Variants in PTGER4 observed in about 807,000 individuals in gnomAD.
PTGER4 encodes prostaglandin E receptor 4.
In PTGER4, 11 loss-of-function variants were observed where a neutral mutation model predicts 33.2. That is an observed-to-expected ratio of 0.33 (90% CI 0.21 to 0.55). The LOEUF is 0.55. PTGER4 is among the 20% of genes least tolerant of loss of function. The probability of loss-of-function intolerance (pLI) is 0.92; values close to 1 mark genes in which losing one functional copy is unlikely to be tolerated. For synonymous variants in PTGER4, 275 were observed against 281.5 expected, an observed-to-expected ratio of 0.98 and a Z score of 0.23; for missense variants, 481 against 650.2, an observed-to-expected ratio of 0.74 and a Z score of 2.83.
chr5:40,720,890 C>G, the PTGER4 span, among the ~76,000 whole-genome samples: 2 of 152,210 alleles, frequency 1.3e-5, no homozygotes, highest in Non-Finnish European at 2.9e-5. Context: ...TCCAATGCCC[C>G]AACTTCTACG....
chr5:40,718,310 G>T, the PTGER4 span, among the ~76,000 whole-genome samples: 162 of 152,290 alleles, frequency 1.1e-3, 1 homozygote, highest in East Asian at 0.026. Context: ...GGAGGCTGAG[G>T]CAGGAAAATT....
At chr5:40,716,566 G>T in the PTGER4 span, 1 of 1,019,406 alleles carries the variant, frequency 9.8e-7, no homozygotes, top group Non-Finnish European at 1.5e-6. Context: ...AATCCTGTGT[G>T]TTTACGTACA....
the PTGER4 span, among the ~76,000 whole-genome samples, chr5:40,704,970 A>T: frequency 7.2e-5 from 11 of 152,160 alleles, no homozygotes; most frequent in South Asian, 4.1e-4. Flanking sequence ...ACTAGAAAAA[A>T]ATTTTTTTTA....
the PTGER4 span, among the ~76,000 whole-genome samples, chr5:40,731,990 C>CAAAGT: frequency 6.6e-6 from 1 of 152,154 alleles, no homozygotes; most frequent in Non-Finnish European, 1.5e-5. Context: ...ACTTACTACT[C>CAAAGT]AAAGTAAGTG....
At chr5:40,704,589 G>C in the PTGER4 span, among the ~76,000 whole-genome samples, 54 of 152,162 alleles carry the variant, frequency 3.5e-4, no homozygotes, top group Non-Finnish European at 6.3e-4. Context: ...CATAGTCTCA[G>C]ACCAAACACT....
the PTGER4 span, among the ~76,000 whole-genome samples, chr5:40,726,204 C>G: frequency 7.2e-6 from 1 of 138,108 alleles, no homozygotes; most frequent in African/African-American, 2.9e-5. Context: ...ATACCATATA[C>G]ATACATATTT....
downstream of PTGER4, among the ~76,000 whole-genome samples, chr5:40,697,339 AC>A (rs1198880742): frequency 2.6e-5 from 4 of 151,978 alleles, no homozygotes; most frequent in Non-Finnish European, 5.9e-5. Flanking sequence ...TAATCCCAGC[AC>A]TTTGGAAGGC....
downstream of PTGER4, among the ~76,000 whole-genome samples, chr5:40,697,266 G>GAAAGAA (rs1554024618): frequency 5.6e-4 from 61 of 108,270 alleles, no homozygotes; most frequent in African/African-American, 1.5e-3. Flanking sequence ...AAGAAAGAAA[G>GAAAGAA]AAAGAAAGAA....
the PTGER4 span, among the ~76,000 whole-genome samples, chr5:40,704,892 A>C: frequency 6.6e-6 from 1 of 152,204 alleles, no homozygotes; most frequent in African/African-American, 2.4e-5. Flanking sequence ...TAAAATGGCT[A>C]TACTACCCAA....
At chr5:40,717,764 T>A in the PTGER4 span, among the ~76,000 whole-genome samples, 1 of 152,174 alleles carries the variant, frequency 6.6e-6, no homozygotes, top group Non-Finnish European at 1.5e-5. Flanking sequence ...CAGATTAGTT[T>A]TAAGATTGCA....
At chr5:40,684,423 T>G (rs1267721687) in intron 2 of PTGER4, among the ~76,000 whole-genome samples, 2 of 152,130 alleles carry the variant, frequency 1.3e-5, no homozygotes, top group Non-Finnish European at 2.9e-5. Context: ...AAATGTAGTT[T>G]ACTTGGAATT....
chr5:40,742,136 G>C, the PTGER4 span, among the ~76,000 whole-genome samples: 1 of 151,612 alleles, frequency 6.6e-6, no homozygotes, highest in Non-Finnish European at 1.5e-5. Flanking sequence ...TTTTCTAGTT[G>C]TTTGGGGCCA....
chr5:40,701,532 T>C, the PTGER4 span, among the ~76,000 whole-genome samples: 7 of 152,188 alleles, frequency 4.6e-5, no homozygotes, highest in Admixed American at 2.0e-4. Flanking sequence ...TAGGGGATTA[T>C]GCAAAGGGGC....
In PTGER4 at chr5:40,692,894, T is replaced by TA; in HGVS notation, c.*520dup. On this transcript the variant is annotated 3_prime_UTR_variant, in exon 3 of 3. Coordinates refer to ENST00000302472, the MANE Select transcript of PTGER4 (RefSeq NM_000958.3). ...GGTTTATTGTTAATACAAGGTATAA[T>TA]AAAATTATCGCAACCCCTCTCCTTC... is the stretch of plus-strand genomic sequence containing the variant. The TA allele has an allele frequency of 2.0e-6, 2 of 982,902 alleles. No individual in the cohort carries two copies. The highest frequency in any genetic ancestry group is 2.4e-6 in the Non-Finnish European group (2 of 827,150). The allele number at this position is 982,902 out of a possible 1,614,324, so 60.9% of individuals were successfully genotyped here. A position where few individuals can be genotyped will look rare whatever the true frequency, so the allele number is the denominator to read the frequency against.
At chr5:40,716,266 T>C in the PTGER4 span, 1 of 1,614,242 alleles carries the variant, frequency 6.2e-7, no homozygotes, top group Non-Finnish European at 8.5e-7. Flanking sequence ...TGAAACTGTC[T>C]TCTCTTTCTC....
rs375512621 is a variant in PTGER4 at position 40,691,844 on chromosome 5, T to C, written c.933T>C (p.Asp311=). 2.0e-5 allele frequency: 32 copies of C among 1,614,066 alleles called. No individual in the cohort carries two copies. Among genetic ancestry groups the C allele is most frequent in the Non-Finnish European group, 2.5e-5 (29 of 1,180,028 alleles). The change falls in exon 3 of 3, where the codon GAT becomes GAC. Residue 311 remains aspartate, a synonymous_variant. Coordinates refer to ENST00000302472, the MANE Select transcript of PTGER4 (RefSeq NM_000958.3). This position sits in a 1 kb window ranked among gnomAD's most constrained non-coding sequence, Gnocchi z 4.2. ...SLEREVSKNP[D]LQAIRIASVN... is the part of the protein sequence containing the mutation. Reference sequence around the variant, plus strand: ...AGCGAGAAGTCAGTAAAAATCCAGATTTGCAGGCCATCCGAATTGCTTCTG... The same window carrying C: ...AGCGAGAAGTCAGTAAAAATCCAGACTTGCAGGCCATCCGAATTGCTTCTG...
chr5:40,714,085 C>T, the PTGER4 span, among the ~76,000 whole-genome samples: 1 of 152,174 alleles, frequency 6.6e-6, no homozygotes, highest in Non-Finnish European at 1.5e-5. Context: ...AGAGGAAACA[C>T]TAGGTTCTTA....
At chr5:40,700,187 A>G in the PTGER4 span, among the ~76,000 whole-genome samples, 3 of 152,278 alleles carry the variant, frequency 2.0e-5, no homozygotes, top group Non-Finnish European at 4.4e-5. Context: ...AAGACTCCTT[A>G]TAATTGCATC....
At chr5:40,701,698 C>T in the PTGER4 span, among the ~76,000 whole-genome samples, 1 of 152,146 alleles carries the variant, frequency 6.6e-6, no homozygotes, top group Non-Finnish European at 1.5e-5. Context: ...TAAAATTCTG[C>T]ACAAGAAGAT....
Sources: gnomAD v4.1 joint callset for allele counts (sites outside exome capture counted in the v4.1 genomes callset) on GRCh38, gnomAD v4.1.1 for gene constraint, Gnocchi (gnomAD v3.1) non-coding constraint, MANE v1.5 for transcripts, NCBI Gene and HGNC (gene_info 2026-07-23, HGNC 2026-07-21) for gene names.